The following OR51M1 variants were observed in gnomAD, a reference collection of about 807,000 sequenced individuals.
The protein encoded by OR51M1 is olfactory receptor 51M1.
For missense variants in OR51M1, 509 were observed against 404.4 expected, an observed-to-expected ratio of 1.26 and a Z score of -2.22; for synonymous variants, 199 against 155.1, an observed-to-expected ratio of 1.28 and a Z score of -2.10.
intron 2 of OR51M1, among the ~76,000 whole-genome samples, chr11:5,385,905 T>G (rs1253053593): frequency 6.7e-6 from 1 of 149,134 alleles, no homozygotes; most frequent in Non-Finnish European, 1.5e-5. Context: ...TTATTTAAAC[T>G]TATACATATG....
In OR51M1 at chr11:5,390,488, C is replaced by A; in HGVS notation, c.*109C>A. ...GCTCTTAAAGATTTTTTGCCCCTGT[C>A]CTAAATAAAATATGGGCAAATTTAT... On this transcript the variant is annotated 3_prime_UTR_variant, in exon 3 of 3. Transcript: ENST00000642046. The A allele has an allele frequency of 2.1e-6, 2 of 951,990 alleles. No individual in the cohort carries two copies. The highest frequency in any genetic ancestry group is 2.0e-5 in the South Asian group (1 of 49,694). 59.0% of individuals were successfully genotyped at this position (951,990 alleles called of 1,614,324 possible).
intron 2 of OR51M1, among the ~76,000 whole-genome samples, chr11:5,385,835 T>C (rs1298374454): frequency 6.7e-6 from 1 of 148,338 alleles, no homozygotes; most frequent in Non-Finnish European, 1.5e-5. Flanking sequence ...GAATATATAA[T>C]GTATATACTA....
chr11:5,389,301 T>C, intron 2 of OR51M1, 83 bp from the exon 3 acceptor site: 6 of 1,161,652 alleles, frequency 5.2e-6, no homozygotes, highest in Non-Finnish European at 6.2e-6. Flanking sequence ...CTAAAGGTGA[T>C]GATGACCATG....
intron 1 of OR51M1, 122 bp from the exon 2 acceptor site, chr11:5,385,231 G>A (rs372518831): frequency 9.2e-5 from 14 of 152,114 alleles, no homozygotes; most frequent in African/African-American, 3.4e-4. Flanking sequence ...AAAAATGACT[G>A]TTGCTCTCCT....
Position 5,390,481 on chromosome 11 carries a change from C to A in OR51M1, c.*102C>A. On this transcript the variant is annotated 3_prime_UTR_variant, in exon 3 of 3. Transcript: ENST00000642046. ...ATAGCATGCTCTTAAAGATTTTTTG[C>A]CCCTGTCCTAAATAAAATATGGGCA... 2 of 1,034,180 alleles carry A rather than the reference C, an allele frequency of 1.9e-6. No individual in the cohort carries two copies. The highest frequency in any genetic ancestry group is 1.4e-6 in the Non-Finnish European group (1 of 737,854). 64.1% of individuals were successfully genotyped at this position (1,034,180 alleles called of 1,614,324 possible).
In OR51M1 at chr11:5,390,147, T is replaced by C. The variant is rs1479959460; in HGVS notation, c.749T>C (p.Phe250Ser). The change falls in exon 3 of 3, where the codon TTT (phenylalanine) becomes TCT (serine). Residue 250 changes from phenylalanine to serine, a missense_variant. Phe to Ser is a radical substitution (Grantham distance 155, BLOSUM62 -2). Coordinates refer to ENST00000642046, the MANE Select transcript of OR51M1 (RefSeq NM_001004756.3). Reference protein sequence around the residue: ...LASQEEQRRAFQTCTAPLCAV... With the variant: ...LASQEEQRRASQTCTAPLCAV... ...TCCCAAGAGGAGCAGCGCCGTGCCTTTCAGACATGCACCGCTCCTCTCTGT... is the reference window on the plus strand; with the variant it reads ...TCCCAAGAGGAGCAGCGCCGTGCCTCTCAGACATGCACCGCTCCTCTCTGT... The C allele has an allele frequency of 2.5e-6, 4 of 1,613,874 alleles. No homozygotes were observed. In the East Asian group the frequency reaches 8.9e-5, roughly 36 times the overall value.
At chr11:5,386,413 T>G (rs933598330) in intron 2 of OR51M1, among the ~76,000 whole-genome samples, 1 of 152,186 alleles carries the variant, frequency 6.6e-6, no homozygotes, top group Admixed American at 6.5e-5. Context: ...TTGTTTACCT[T>G]TTTGTAGTTT....
chr11:5,389,158 G>A lies in OR51M1; in HGVS notation c.-15-226G>A, dbSNP rs79220377. 1.5e-3 allele frequency among the ~76,000 whole-genome samples: 230 copies of A among 152,228 alleles called. 3 individuals carry two copies. In the East Asian group the frequency reaches 0.038, roughly 25 times the overall value. The stretch of plus-strand genomic sequence containing the variant: ...TATACTTAAGGGTTGAGCAATAAAG[G>A]CACACCAGCAAAGAGGCAGAGAGGA... On this transcript the variant is annotated intron_variant, in intron 2 of 2. Transcript: ENST00000642046.
At chr11:5,386,751 G>C (rs1849701315) in intron 2 of OR51M1, among the ~76,000 whole-genome samples, 2 of 152,142 alleles carry the variant, frequency 1.3e-5, no homozygotes, top group South Asian at 2.1e-4. Context: ...ATTGGCTACA[G>C]AGATGAAGAT....
chr11:5,385,765 A>G (rs953066063), intron 2 of OR51M1, among the ~76,000 whole-genome samples: 5 of 148,516 alleles, frequency 3.4e-5, no homozygotes, highest in African/African-American at 1.2e-4. Flanking sequence ...ATATATAAAT[A>G]TACAGACACA....
intron 2 of OR51M1, among the ~76,000 whole-genome samples, chr11:5,388,577 T>C (rs2736534): frequency 0.42 from 61,774 of 147,054 alleles, 13,260 homozygotes; most frequent in Middle Eastern, 0.45. Flanking sequence ...AAGAATTGTT[T>C]AGTGTCATTA....
At position 5,390,465 on chromosome 11, in the gene OR51M1, T is replaced by C. The variant is rs1269193437; in HGVS notation, c.*86T>C. 5.0e-6 allele frequency: 6 copies of C among 1,196,000 alleles called. No homozygotes were observed. The highest frequency in any genetic ancestry group is 4.6e-5 in the African/African-American group (3 of 64,988). The allele number at this position is 1,196,000 out of a possible 1,614,324, so 74.1% of individuals were successfully genotyped here. ...TTGGAGTATTGAGTATATAGCATGC[T>C]CTTAAAGATTTTTTGCCCCTGTCCT... On this transcript the variant is annotated 3_prime_UTR_variant, in exon 3 of 3. Transcript: ENST00000642046.
intron 2 of OR51M1, among the ~76,000 whole-genome samples, chr11:5,387,499 T>G (rs549269221): frequency 1.7e-4 from 26 of 152,318 alleles, no homozygotes; most frequent in African/African-American, 6.0e-4. Flanking sequence ...CTTATATCCA[T>G]GCAGCACCTC....
chr11:5,386,295 GGGCTAAAGAT>G (rs1849694479), intron 2 of OR51M1, among the ~76,000 whole-genome samples: 1 of 151,784 alleles, frequency 6.6e-6, no homozygotes, highest in African/African-American at 2.4e-5. Flanking sequence ...AAGAAGGACC[GGGCTAAAGAT>G]GGTGTTACAG....
rs1201710839 is a variant in OR51M1, at chr11:5,390,380, G to C, written c.*1G>C. ...AGGTCTTAAAAAGGCCAGTAAATGA[G>C]TCCTGGGGCTAAAACTCCCCCTAGA... On this transcript the variant is annotated 3_prime_UTR_variant, in exon 3 of 3. Coordinates refer to ENST00000642046, the MANE Select transcript of OR51M1 (RefSeq NM_001004756.3). The C allele has an allele frequency of 2.5e-6, 4 of 1,584,430 alleles. No individual in the cohort carries two copies. Among genetic ancestry groups the C allele is most frequent in the Non-Finnish European group, 3.4e-6 (4 of 1,163,510 alleles).
At position 5,391,493 on chromosome 11, in the gene OR51M1, G is replaced by T. The variant is rs980053164; in HGVS notation, c.*1114G>T. 3.9e-5 allele frequency: 6 copies of T among 152,192 alleles called. No homozygotes were observed. Among genetic ancestry groups the T allele is most frequent in the Middle Eastern group, 3.2e-3 (1 of 316 alleles). 9.4% of individuals were successfully genotyped at this position (152,192 alleles called of 1,614,324 possible). On this transcript the variant is annotated 3_prime_UTR_variant, in exon 3 of 3. Transcript: ENST00000642046. ...GCCAGTAAATGTATATAAATACAAT[G>T]CCTAGCACATGCCATATACTCAATA...
rs1849787436 is a variant in OR51M1 at position 5,391,063 on chromosome 11, C to T, written c.*684C>T. Reference sequence around the variant, plus strand: ...CTCAAGTCTGACATTAAGCTACAGTCAGTATTTACTTGTAGGTGTTTTAGT... The same window carrying T: ...CTCAAGTCTGACATTAAGCTACAGTTAGTATTTACTTGTAGGTGTTTTAGT... On this transcript the variant is annotated 3_prime_UTR_variant, in exon 3 of 3. Transcript: ENST00000642046. The T allele has an allele frequency of 6.6e-6, 1 of 152,230 alleles. No homozygotes were observed. The highest frequency in any genetic ancestry group is 1.5e-5 in the Non-Finnish European group (1 of 68,050). The allele number at this position is 152,230 out of a possible 1,614,324, so 9.4% of individuals were successfully genotyped here.
At chr11:5,385,755 A>G (rs1174872073) in intron 2 of OR51M1, among the ~76,000 whole-genome samples, 1 of 149,296 alleles carries the variant, frequency 6.7e-6, no homozygotes, top group Non-Finnish European at 1.5e-5. Context: ...ATTTGTTTAC[A>G]TATATAAATA....
Position 5,391,046 on chromosome 11 carries a change from T to G in OR51M1, c.*667T>G. The G allele has an allele frequency of 6.6e-6, 1 of 152,278 alleles. No individual in the cohort carries two copies. Among genetic ancestry groups the G allele is most frequent in the East Asian group, 1.9e-4 (1 of 5,206 alleles). 9.4% of individuals were successfully genotyped at this position (152,278 alleles called of 1,614,324 possible). A position where few individuals can be genotyped will look rare whatever the true frequency, so the allele number is the denominator to read the frequency against. On this transcript the variant is annotated 3_prime_UTR_variant, in exon 3 of 3. Coordinates refer to ENST00000642046, the MANE Select transcript of OR51M1 (RefSeq NM_001004756.3). ...TGATTTTACCTTACAACCTCAAGTC[T>G]GACATTAAGCTACAGTCAGTATTTA... is the stretch of plus-strand genomic sequence containing the variant.
Sources: allele counts gnomAD v4.1 joint callset (sites outside exome capture counted in the v4.1 genomes callset), GRCh38; gene constraint gnomAD v4.1.1; transcripts MANE v1.5; gene names NCBI Gene and HGNC (gene_info 2026-07-23, HGNC 2026-07-21).